The following BLVRA variants were observed in gnomAD, a reference collection of about 807,000 sequenced individuals.
BLVRA encodes BVR A.
Under a neutral mutation model 32.8 loss-of-function variants are expected in BLVRA, and 22 were observed. The observed-to-expected ratio is 0.67, with a 90% CI of 0.48 to 0.96. BLVRA has a LOEUF of 0.96. BLVRA is among the 40% of genes least tolerant of loss of function. The pLI is 0.00. For synonymous variants in BLVRA, 119 were observed against 141.3 expected (o/e 0.84, Z 1.12); for missense variants, 323 against 358.1 (o/e 0.90, Z 0.79).
chr7:43,799,172 C>T (rs2095796054), intron 5 of BLVRA, among the ~76,000 whole-genome samples: 1 of 152,190 alleles, frequency 6.6e-6, no homozygotes, highest in African/African-American at 2.4e-5. Flanking sequence ...ACACACCTGA[C>T]ATTTCTGGAG....
chr7:43,797,614 C>A (rs117686724), intron 5 of BLVRA, among the ~76,000 whole-genome samples: 18 of 152,300 alleles, frequency 1.2e-4, no homozygotes, highest in Non-Finnish European at 2.5e-4. Context: ...CCATCAAAAT[C>A]TGGAAATTGG....
chr7:43,782,604 C>T (rs2095771267), intron 2 of BLVRA, among the ~76,000 whole-genome samples: 1 of 151,916 alleles, frequency 6.6e-6, no homozygotes. Context: ...GGGTCTTTGG[C>T]ATAGAGGTGG....
chr7:43,802,420 T>G lies in BLVRA; in HGVS notation c.461-1256T>G, dbSNP rs145266025. 5.7e-4 allele frequency among the ~76,000 whole-genome samples: 87 copies of G among 152,336 alleles called. 1 individual carries two copies. Among genetic ancestry groups the G allele is most frequent in the Middle Eastern group, 3.4e-3 (1 of 294 alleles). On this transcript the variant is annotated intron_variant, in intron 6 of 7. Transcript: ENST00000265523. ...AAGTCTTTTAAACTTAGGTTATGTT[T>G]AAGATTTTGGCTGGAGGCAGACGGG...
At chr7:43,784,505 C>T (rs183860397) in intron 2 of BLVRA, among the ~76,000 whole-genome samples, 3 of 151,996 alleles carry the variant, frequency 2.0e-5, no homozygotes, top group South Asian at 2.1e-4. Flanking sequence ...AAGAGGCTCA[C>T]GTTAAAAGGC....
At chr7:43,783,418 T>C (rs1440264042) in intron 2 of BLVRA, among the ~76,000 whole-genome samples, 1 of 152,242 alleles carries the variant, frequency 6.6e-6, no homozygotes, top group Non-Finnish European at 1.5e-5. Flanking sequence ...GGCTGTCGTT[T>C]GCTTCTTTCA....
chr7:43,800,384 G>A (rs2095797310), intron 5 of BLVRA, 81 bp from the exon 6 acceptor site: 2 of 1,326,974 alleles, frequency 1.5e-6, no homozygotes, highest in African/African-American at 2.9e-5. Context: ...TCTTGTGTTA[G>A]GGGATGACAG....
At chr7:43,788,622 T>A (rs17239565) in intron 3 of BLVRA, among the ~76,000 whole-genome samples, 5,963 of 152,102 alleles carry the variant, frequency 0.039, 377 homozygotes, top group African/African-American at 0.13. Flanking sequence ...TATTATTATT[T>A]TTTTTGAGAC....
In BLVRA at chr7:43,787,717, G is replaced by C. The variant is rs200954628; in HGVS notation, c.13-187G>C. On this transcript the variant is annotated intron_variant, in intron 2 of 7. Coordinates refer to ENST00000265523, the MANE Select transcript of BLVRA (RefSeq NM_000712.4). The surrounding 1 kb of genome is among the most constrained non-coding windows in gnomAD (Gnocchi z 4.5). ...AGCACCTTCAAGAACAGGTTTTGGC[G>C]GGACTGACTTCTCTCCAAGCCCCCA... Among the ~76,000 whole-genome samples, 1 of 152,156 alleles carries C rather than the reference G, an allele frequency of 6.6e-6. No individual in the cohort carries two copies. Among genetic ancestry groups the C allele is most frequent in the Non-Finnish European group, 1.5e-5 (1 of 68,030 alleles).
chr7:43,799,909 T>A (rs1028614491), intron 5 of BLVRA, among the ~76,000 whole-genome samples: 4 of 152,218 alleles, frequency 2.6e-5, no homozygotes, highest in African/African-American at 9.6e-5. Flanking sequence ...TCTTGTTCTC[T>A]TAAATTTTCA....
At chr7:43,804,744 A>G (rs2095802349) in intron 7 of BLVRA, among the ~76,000 whole-genome samples, 1 of 152,228 alleles carries the variant, frequency 6.6e-6, no homozygotes, top group Non-Finnish European at 1.5e-5. Context: ...TAACAAAAGC[A>G]CATTCATAAT....
intron 2 of BLVRA, among the ~76,000 whole-genome samples, chr7:43,773,007 C>T (rs1440457115): frequency 6.6e-6 from 1 of 152,186 alleles, no homozygotes; most frequent in Non-Finnish European, 1.5e-5. Context: ...TCTCCTTTGC[C>T]ATGTGCATCA....
In BLVRA at chr7:43,807,006, C is replaced by T. The variant is rs761253811; in HGVS notation, c.662C>T (p.Pro221Leu). The T allele has an allele frequency of 3.1e-6, 5 of 1,613,982 alleles. No homozygotes were observed. In the African/African-American group the frequency reaches 6.7e-5, roughly 22 times the overall value. Reference protein sequence around the residue: ...SPLSWIEEKGPGLKRNRYLSF... With the variant: ...SPLSWIEEKGLGLKRNRYLSF... The stretch of plus-strand genomic sequence containing the variant: ...CTGTCATGGATTGAAGAAAAAGGAC[C>T]TGGTCTAAAACGAAACAGATATTTA... Residue 221 changes from proline to leucine, a missense_variant, in exon 8 of 8, where the codon CCT becomes CTT. Physicochemically the swap from Pro to Leu is moderately conservative, Grantham distance 98. Coordinates refer to ENST00000265523, the MANE Select transcript of BLVRA (RefSeq NM_000712.4).
At chr7:43,790,824 C>T (rs1450918929) in intron 3 of BLVRA, among the ~76,000 whole-genome samples, 1 of 152,184 alleles carries the variant, frequency 6.6e-6, no homozygotes, top group Non-Finnish European at 1.5e-5. Context: ...AGGCGCCCAC[C>T]ACCACATTTG....
At chr7:43,763,727 T>C (rs1391930646) in intron 1 of BLVRA, among the ~76,000 whole-genome samples, 2 of 152,230 alleles carry the variant, frequency 1.3e-5, no homozygotes, top group Admixed American at 6.5e-5. Context: ...GTGCTGTTTG[T>C]TGTGCTAAAA....
At chr7:43,769,590 C>T (rs373556298) in intron 1 of BLVRA, among the ~76,000 whole-genome samples, 5 of 151,546 alleles carry the variant, frequency 3.3e-5, no homozygotes, top group African/African-American at 1.2e-4. Context: ...GGGGAGTTGC[C>T]GAAAGCAGGC....
chr7:43,794,215 G>A (rs1353226473), intron 5 of BLVRA, among the ~76,000 whole-genome samples: 5 of 151,926 alleles, frequency 3.3e-5, no homozygotes, highest in African/African-American at 1.2e-4. Flanking sequence ...GGGCAACAGA[G>A]TGAGACCCTG....
intron 2 of BLVRA, among the ~76,000 whole-genome samples, chr7:43,785,959 A>G (rs2095777001): frequency 1.3e-5 from 2 of 152,168 alleles, no homozygotes; most frequent in African/African-American, 2.4e-5. Flanking sequence ...AATCCAAAAT[A>G]AGGCAGGAAA....
chr7:43,771,631 C>A (rs905822617), intron 2 of BLVRA, among the ~76,000 whole-genome samples: 4 of 152,338 alleles, frequency 2.6e-5, no homozygotes, highest in African/African-American at 9.6e-5. Flanking sequence ...GGAGCCTAGA[C>A]CTTGGGGTTC....
chr7:43,792,599 A>G, intron 4 of BLVRA, 116 bp from the exon 5 acceptor site: 1 of 978,550 alleles, frequency 1.0e-6, no homozygotes, highest in East Asian at 2.6e-5. Context: ...CAGTCATGAC[A>G]CATTCACACA....
Sources: gnomAD v4.1 joint callset for allele counts (sites outside exome capture counted in the v4.1 genomes callset) on GRCh38, gnomAD v4.1.1 for gene constraint, Gnocchi (gnomAD v3.1) non-coding constraint, MANE v1.5 for transcripts, NCBI Gene and HGNC (gene_info 2026-07-23, HGNC 2026-07-21) for gene names.